The following FDX1 variants were observed in gnomAD, a reference collection of about 807,000 sequenced individuals.
The protein encoded by FDX1 is ferredoxin 1, also known as adrenodoxin, mitochondrial.
A neutral mutation model predicts 14.9 loss-of-function variants in FDX1; 9 were observed. The ratio of observed to expected loss-of-function variants is 0.60; its 90% CI spans 0.36 to 1.05. The LOEUF is 1.05. Among genes scored for constraint, FDX1 ranks in the 50% least tolerant of loss-of-function variants. The pLI is 0.01. For missense variants in FDX1, 204 were observed against 237.2 expected, an observed-to-expected ratio of 0.86 and a Z score of 0.92; for synonymous variants, 92 against 99.4, an observed-to-expected ratio of 0.93 and a Z score of 0.44.
At chr11:110,437,905 G>A (rs1344502825) in intron 2 of FDX1, among the ~76,000 whole-genome samples, 1 of 152,188 alleles carries the variant, frequency 6.6e-6, no homozygotes, top group African/African-American at 2.4e-5. Flanking sequence ...CTGGTTCTGT[G>A]TTAATTTACT....
chr11:110,459,611 G>A (rs938506261), intron 3 of FDX1, among the ~76,000 whole-genome samples: 1 of 152,178 alleles, frequency 6.6e-6, no homozygotes, highest in African/African-American at 2.4e-5. Context: ...TAGAACTAAA[G>A]TAAACCTAAT....
At chr11:110,456,509 CTTTTTTT>C (rs11463993) in intron 2 of FDX1, among the ~76,000 whole-genome samples, 8 of 83,804 alleles carry the variant, frequency 9.5e-5, no homozygotes, top group Non-Finnish European at 1.1e-4. Flanking sequence ...TTTATGTATT[CTTTTTTT>C]TTTTTTTTTT....
intron 2 of FDX1, among the ~76,000 whole-genome samples, chr11:110,452,906 G>C (rs1946495908): frequency 6.6e-6 from 1 of 152,220 alleles, no homozygotes; most frequent in Non-Finnish European, 1.5e-5. Flanking sequence ...GAACAGATCA[G>C]TGGTTACCAG....
chr11:110,435,442 G>C (rs528796206), intron 1 of FDX1, among the ~76,000 whole-genome samples: 2 of 152,348 alleles, frequency 1.3e-5, no homozygotes, highest in Non-Finnish European at 2.9e-5. Flanking sequence ...AGGCCACCAG[G>C]TGGCGTTGAC....
At chr11:110,432,917 A>G (rs1429335090) in intron 1 of FDX1, among the ~76,000 whole-genome samples, 1 of 152,224 alleles carries the variant, frequency 6.6e-6, no homozygotes, top group Non-Finnish European at 1.5e-5. Flanking sequence ...TACCTTTAAT[A>G]CAGACCAACA....
chr11:110,456,324 G>T (rs1353614174), intron 2 of FDX1, among the ~76,000 whole-genome samples: 1 of 152,004 alleles, frequency 6.6e-6, no homozygotes, highest in Non-Finnish European at 1.5e-5. Flanking sequence ...TTATTAACTT[G>T]TAAGCTCTCT....
rs1366176321 is a variant in FDX1 at position 110,463,529 on chromosome 11, A to C, written c.*1061A>C. On this transcript the variant is annotated 3_prime_UTR_variant, in exon 4 of 4. Transcript: ENST00000260270. ...CAGTATGGTCTTTGGAAATATAATA[A>C]AACATCAACTAACTTGGACTAATTG... The C allele has an allele frequency of 1.3e-5, 2 of 152,256 alleles. No individual in the cohort carries two copies. Among genetic ancestry groups the C allele is most frequent in the Admixed American group, 1.3e-4 (2 of 15,286 alleles). The allele number at this position is 152,256 out of a possible 1,614,324, so 9.4% of individuals were successfully genotyped here.
chr11:110,463,701 CAG>C lies in FDX1; in HGVS notation c.*1236_*1237del, dbSNP rs1027887800. ...CATTGTGTTATGCCCATTGGGGACA[CAG>C]AGGTGAACAAGACAAGGAATGCCAT... is the stretch of plus-strand genomic sequence containing the variant. On this transcript the variant is annotated 3_prime_UTR_variant, in exon 4 of 4. Transcript: ENST00000260270. 1 of 152,078 alleles carries C rather than the reference CAG, an allele frequency of 6.6e-6. No homozygotes were observed. Among genetic ancestry groups the C allele is most frequent in the Non-Finnish European group, 1.5e-5 (1 of 68,032 alleles). 9.4% of individuals were successfully genotyped at this position (152,078 alleles called of 1,614,324 possible). A position where few individuals can be genotyped will look rare whatever the true frequency, so the allele number is the denominator to read the frequency against.
At chr11:110,436,785 C>G (rs767391628) in intron 2 of FDX1, among the ~76,000 whole-genome samples, 1 of 152,034 alleles carries the variant, frequency 6.6e-6, no homozygotes, top group Non-Finnish European at 1.5e-5. Flanking sequence ...ATTTCTAGAT[C>G]AGAATTAATT....
At chr11:110,444,647 T>TATATATATAC (rs1464170047) in intron 2 of FDX1, among the ~76,000 whole-genome samples, 1 of 90,204 alleles carries the variant, frequency 1.1e-5, no homozygotes, top group African/African-American at 5.0e-5. Flanking sequence ...TGTGTGTGTG[T>TATATATATAC]GTGTATATAT....
At chr11:110,447,469 C>A (rs567939571) in intron 2 of FDX1, among the ~76,000 whole-genome samples, 1 of 152,042 alleles carries the variant, frequency 6.6e-6, no homozygotes, top group East Asian at 1.9e-4. Flanking sequence ...AAACAAAAAA[C>A]CATGAGTGTC....
At chr11:110,449,298 G>A (rs1946471497) in intron 2 of FDX1, among the ~76,000 whole-genome samples, 1 of 152,204 alleles carries the variant, frequency 6.6e-6, no homozygotes, top group African/African-American at 2.4e-5. Context: ...AAGCCAGGAT[G>A]GTGGCTAAAA....
At position 110,464,333 on chromosome 11, in the gene FDX1, G is replaced by A. The variant is rs911797313; in HGVS notation, c.*1865G>A. The A allele has an allele frequency of 9.9e-5, 15 of 152,258 alleles. No homozygotes were observed. The highest frequency in any genetic ancestry group is 3.6e-4 in the African/African-American group (15 of 41,430). 9.4% of individuals were successfully genotyped at this position (152,258 alleles called of 1,614,324 possible). ...GATTTATTTGGATCATGGTTCTGGA[G>A]GCTGGGAGGTCCAAGAGCATGGTAC... On this transcript the variant is annotated 3_prime_UTR_variant, in exon 4 of 4. Coordinates refer to ENST00000260270, the MANE Select transcript of FDX1 (RefSeq NM_004109.5).
At chr11:110,430,332 C>T (rs1298574846) in intron 1 of FDX1, 27 bp downstream of exon 1, 9 of 1,179,570 alleles carry the variant, frequency 7.6e-6, no homozygotes, top group Non-Finnish European at 8.4e-6. Flanking sequence ...GCGCGATCGC[C>T]GGCGCGGGCC....
intron 1 of FDX1, among the ~76,000 whole-genome samples, chr11:110,434,717 C>CTT (rs1210732783): frequency 4.6e-4 from 46 of 100,522 alleles, no homozygotes; most frequent in African/African-American, 1.3e-3. Context: ...TGTGTGATGA[C>CTT]TTTTTTTGTT....
intron 2 of FDX1, among the ~76,000 whole-genome samples, chr11:110,444,667 TATATATATATATATATAC>T (rs1591249965): frequency 7.1e-4 from 39 of 55,106 alleles, no homozygotes; most frequent in East Asian, 3.2e-3. Flanking sequence ...TATATATACG[TATATATATATATATATAC>T]ACGTATATAT....
chr11:110,444,699 TATATAC>T (rs1356703216), intron 2 of FDX1, among the ~76,000 whole-genome samples: 24 of 66,462 alleles, frequency 3.6e-4, no homozygotes, highest in African/African-American at 1.2e-3. Context: ...TATATATATA[TATATAC>T]GTATATATAT....
intron 2 of FDX1, among the ~76,000 whole-genome samples, chr11:110,438,425 A>G (rs954042425): frequency 4.6e-5 from 7 of 151,450 alleles, no homozygotes; most frequent in African/African-American, 1.7e-4. Flanking sequence ...TTCTTTTTTA[A>G]ATATTTATTT....
rs186697448 is a variant in FDX1 at position 110,434,165 on chromosome 11, A to T, written c.186-1669A>T. Among the ~76,000 whole-genome samples, 364 of 152,256 alleles carry T rather than the reference A, an allele frequency of 2.4e-3. 8 individuals carry two copies. Among genetic ancestry groups the T allele is most frequent in the Non-Finnish European group, 5.4e-4 (37 of 68,012 alleles). On this transcript the variant is annotated intron_variant, in intron 1 of 3. Transcript: ENST00000260270. ...AACATACTATCTTAAAAAAACATGT[A>T]AGGAGGTATTTATCTTACAGATTCA...
Sources: gnomAD v4.1 joint callset for allele counts (sites outside exome capture counted in the v4.1 genomes callset) on GRCh38, gnomAD v4.1.1 for gene constraint, MANE v1.5 for transcripts, NCBI Gene and HGNC (gene_info 2026-07-23, HGNC 2026-07-21) for gene names.